PRH1: variants seen among roughly 807,000 people sequenced by gnomAD.
PRH1 encodes salivary acidic proline-rich phosphoprotein 1/2.
Under a neutral mutation model 7.9 loss-of-function variants are expected in PRH1, and 7 were observed. That is an observed-to-expected ratio of 0.89 (90% CI 0.50 to 1.67). PRH1 has a LOEUF of 1.67. Among genes scored for constraint, PRH1 ranks in the 40% most tolerant of loss-of-function variants. The pLI is 0.00. For synonymous variants in PRH1, 45 were observed against 80.8 expected, an observed-to-expected ratio of 0.56 and a Z score of 2.38; for missense variants, 109 against 223.6, an observed-to-expected ratio of 0.49 and a Z score of 3.27.
chr12:11,164,516 A>C (rs1260638318), intron 1 of PRH1, among the ~76,000 whole-genome samples: 1 of 152,226 alleles, frequency 6.6e-6, no homozygotes, highest in Non-Finnish European at 1.5e-5. Context: ...GAGATCCCTG[A>C]CTAATACAGT....
intron 1 of PRH1, among the ~76,000 whole-genome samples, chr12:11,115,722 T>C (rs950344352): frequency 2.6e-5 from 4 of 151,884 alleles, no homozygotes; most frequent in African/African-American, 9.7e-5. Flanking sequence ...GGAATAAAAC[T>C]AGAACTCAAT....
At chr12:10,900,508 A>C (rs1040006055) in intron 2 of PRH1, among the ~76,000 whole-genome samples, 1 of 151,846 alleles carries the variant, frequency 6.6e-6, no homozygotes, top group Non-Finnish European at 1.5e-5. Flanking sequence ...CCATGGCCAG[A>C]ATTGTGGGGA....
intron 2 of PRH1, among the ~76,000 whole-genome samples, chr12:10,900,403 C>T (rs74060702): frequency 0.035 from 5,354 of 152,294 alleles, 318 homozygotes; most frequent in African/African-American, 0.12. Context: ...GCCACAAAGT[C>T]AATCATTCTT....
At chr12:11,110,799 T>A (rs893987518) in intron 1 of PRH1, among the ~76,000 whole-genome samples, 2 of 152,092 alleles carry the variant, frequency 1.3e-5, no homozygotes, top group African/African-American at 4.8e-5. Context: ...AAATCACACA[T>A]AACAATATTA....
intron 2 of PRH1, among the ~76,000 whole-genome samples, chr12:10,954,397 A>G (rs1282963772): frequency 6.6e-6 from 1 of 152,216 alleles, no homozygotes; most frequent in Admixed American, 6.5e-5. Context: ...ATAAGCTCAA[A>G]TTTAAAAGAT....
At chr12:10,927,605 A>C (rs767564631) in intron 2 of PRH1, among the ~76,000 whole-genome samples, 30 of 152,182 alleles carry the variant, frequency 2.0e-4, no homozygotes, top group African/African-American at 7.2e-4. Context: ...AGAAAAATCT[A>C]ATCTATTAGG....
At chr12:11,124,771 T>G (rs545368489) in intron 1 of PRH1, among the ~76,000 whole-genome samples, 1 of 152,364 alleles carries the variant, frequency 6.6e-6, no homozygotes, top group South Asian at 2.1e-4. Context: ...TTGATAAATG[T>G]GATTTGGGTC....
At chr12:11,060,187 C>A (rs1182796038) in intron 1 of PRH1, among the ~76,000 whole-genome samples, 3 of 152,082 alleles carry the variant, frequency 2.0e-5, no homozygotes, top group African/African-American at 7.2e-5. Context: ...CAAGACTGTA[C>A]ATTTCCATCT....
At chr12:11,087,102 G>C (rs1430299478) in intron 1 of PRH1, among the ~76,000 whole-genome samples, 99 of 84,722 alleles carry the variant, frequency 1.2e-3, no homozygotes, top group Non-Finnish European at 1.9e-3. Context: ...AGTTAAACTT[G>C]TTTTTTTTTT....
At chr12:11,140,654 T>A (rs1946676807) in intron 1 of PRH1, among the ~76,000 whole-genome samples, 1 of 152,156 alleles carries the variant, frequency 6.6e-6, no homozygotes, top group African/African-American at 2.4e-5. Flanking sequence ...TAAGGTAAAA[T>A]TTTCCATATT....
chr12:11,071,112 A>T (rs1372785244), intron 1 of PRH1, among the ~76,000 whole-genome samples: 1 of 69,400 alleles, frequency 1.4e-5, no homozygotes, highest in African/African-American at 4.0e-5. Context: ...CATTTTTCTA[A>T]CTATGTGCTC....
chr12:11,110,623 A>C (rs1222189523), intron 1 of PRH1, among the ~76,000 whole-genome samples: 3 of 152,230 alleles, frequency 2.0e-5, no homozygotes, highest in African/African-American at 7.2e-5. Context: ...TGTTACCACC[A>C]GGCCTGCCTC....
chr12:11,063,537 C>A (rs187580936), intron 1 of PRH1, among the ~76,000 whole-genome samples: 8 of 152,060 alleles, frequency 5.3e-5, no homozygotes, highest in African/African-American at 1.7e-4. Context: ...GAGCCATCCA[C>A]CAAACCCAGC....
At chr12:10,910,818 A>G (rs1425707860) in intron 2 of PRH1, among the ~76,000 whole-genome samples, 1 of 152,204 alleles carries the variant, frequency 6.6e-6, no homozygotes, top group Non-Finnish European at 1.5e-5. Context: ...AGCTATTTTT[A>G]TTTAATAAAG....
At chr12:11,041,079 A>C (rs1442063898) in intron 1 of PRH1, among the ~76,000 whole-genome samples, 1 of 152,032 alleles carries the variant, frequency 6.6e-6, no homozygotes. Context: ...AGAAATAATA[A>C]AATGACAGAA....
intron 1 of PRH1, among the ~76,000 whole-genome samples, chr12:11,155,851 T>C (rs756207320): frequency 1.4e-4 from 21 of 152,198 alleles, no homozygotes; most frequent in Admixed American, 2.0e-4. Flanking sequence ...CTTGGATATA[T>C]AGCTAGAGTA....
chr12:10,932,189 G>A (rs1391254774), intron 2 of PRH1: 6 of 429,582 alleles, frequency 1.4e-5, no homozygotes, highest in Non-Finnish European at 2.9e-5. Flanking sequence ...TTCCTGCCAT[G>A]TCAAGTCTTG....
At chr12:11,170,731 C>T (rs567812125) in intron 1 of PRH1, among the ~76,000 whole-genome samples, 112 of 152,270 alleles carry the variant, frequency 7.4e-4, no homozygotes, top group African/African-American at 2.7e-3. Context: ...TATGTATATA[C>T]GCGTGTGTGT....
intron 1 of PRH1, among the ~76,000 whole-genome samples, chr12:11,036,625 AT>A (rs1372802823): frequency 6.6e-6 from 1 of 152,258 alleles, no homozygotes; most frequent in Non-Finnish European, 1.5e-5. Flanking sequence ...ATTGAAGGTC[AT>A]CCATAAATAA....
Sources: gnomAD v4.1 joint callset for allele counts (sites outside exome capture counted in the v4.1 genomes callset) on GRCh38, gnomAD v4.1.1 for gene constraint, MANE v1.5 for transcripts, NCBI Gene and HGNC (gene_info 2026-07-23, HGNC 2026-07-21) for gene names.